The following ADGRV1 variants were observed in gnomAD, a reference collection of about 807,000 sequenced individuals.
The protein encoded by ADGRV1 is G-protein coupled receptor 98.
In ADGRV1, 359 loss-of-function variants were observed where a neutral mutation model predicts 596.2. The ratio of observed to expected loss-of-function variants is 0.60; its 90% CI spans 0.55 to 0.66. ADGRV1 has a LOEUF of 0.66. Among genes scored for constraint, ADGRV1 ranks in the 30% least tolerant of loss-of-function variants. The pLI is 0.00. For missense variants in ADGRV1, 7,274 were observed against 7,575.6 expected, an observed-to-expected ratio of 0.96 and a Z score of 1.48; for synonymous variants, 2,681 against 2,679.2, an observed-to-expected ratio of 1.00 and a Z score of -0.02.
Position 90,823,576 on chromosome 5 carries a change from A to C in ADGRV1, c.16348A>C (p.Ile5450Leu). Residue 5450 changes from isoleucine to leucine, a missense_variant, in exon 76 of 90, where the codon ATT (isoleucine) becomes CTT (leucine). Physicochemically the swap from Ile to Leu is conservative, Grantham distance 5. Coordinates refer to ENST00000405460, the MANE Select transcript of ADGRV1 (RefSeq NM_032119.4). ...TMGQTKCFIS[I>L]ELKPEKVPQV... is the part of the protein sequence containing the mutation. ...GGGTCAAACAAAATGCTTTATCAGC[A>C]TTGAACTCAAACCAGAAAAGGTAAG... is the stretch of plus-strand genomic sequence containing the variant. 1 of 1,613,930 alleles carries C rather than the reference A, an allele frequency of 6.2e-7. No homozygotes were observed. Among genetic ancestry groups the C allele is most frequent in the Non-Finnish European group, 8.5e-7 (1 of 1,179,832 alleles).
intron 84 of ADGRV1, among the ~76,000 whole-genome samples, chr5:90,974,446 A>T (rs769515345): frequency 2.0e-5 from 3 of 152,192 alleles, no homozygotes; most frequent in African/African-American, 4.8e-5. Context: ...CTGACTTCAA[A>T]CTATAGTACA....
At chr5:91,141,093 TA>T (rs1478242379) in intron 87 of ADGRV1, among the ~76,000 whole-genome samples, 6 of 152,184 alleles carry the variant, frequency 3.9e-5, no homozygotes, top group African/African-American at 1.4e-4. Context: ...CCTTGGTGTA[TA>T]AAAAGAAGAA....
At chr5:91,079,968 T>G (rs569473235) in intron 86 of ADGRV1, among the ~76,000 whole-genome samples, 2 of 152,302 alleles carry the variant, frequency 1.3e-5, no homozygotes, top group South Asian at 4.1e-4. Flanking sequence ...ATGGTTATTG[T>G]CATCATCACT....
intron 34 of ADGRV1, among the ~76,000 whole-genome samples, chr5:90,698,932 A>T (rs1439385007): frequency 6.6e-6 from 1 of 152,076 alleles, no homozygotes; most frequent in African/African-American, 2.4e-5. Context: ...CAAAAAGGGG[A>T]GTTAGATCTC....
At chr5:91,131,453 T>C (rs1740123739) in intron 87 of ADGRV1, among the ~76,000 whole-genome samples, 1 of 151,216 alleles carries the variant, frequency 6.6e-6, no homozygotes, top group Non-Finnish European at 1.5e-5. Flanking sequence ...TTTCTTTTTG[T>C]TGTTGTTGCT....
chr5:90,907,007 T>A (rs1772387464), intron 83 of ADGRV1, among the ~76,000 whole-genome samples: 1 of 152,196 alleles, frequency 6.6e-6, no homozygotes, highest in African/African-American at 2.4e-5. Context: ...GGTCCATGAT[T>A]TCCAGAGGAT....
intron 29 of ADGRV1, among the ~76,000 whole-genome samples, chr5:90,688,500 C>A (rs1166601295): frequency 6.6e-6 from 1 of 152,064 alleles, no homozygotes; most frequent in Admixed American, 6.6e-5. Flanking sequence ...GGACTACAAG[C>A]GTGTGCCACC....
At chr5:90,900,153 AT>A (rs1309250865) in intron 83 of ADGRV1, among the ~76,000 whole-genome samples, 6 of 152,138 alleles carry the variant, frequency 3.9e-5, no homozygotes, top group Non-Finnish European at 8.8e-5. Context: ...CACTCCCATT[AT>A]CTTGTTTAAT....
intron 1 of ADGRV1, among the ~76,000 whole-genome samples, chr5:90,600,357 AGTT>A (rs1486364742): frequency 6.6e-6 from 1 of 152,024 alleles, no homozygotes; most frequent in East Asian, 1.9e-4. Flanking sequence ...CCCTGTGTCC[AGTT>A]GTTCTCATTG....
intron 85 of ADGRV1, among the ~76,000 whole-genome samples, chr5:91,024,093 A>C (rs1783845012): frequency 6.6e-6 from 1 of 152,120 alleles, no homozygotes; most frequent in African/African-American, 2.4e-5. Context: ...AAATCTCCCC[A>C]GCTGATTCTA....
chr5:91,136,537 G>A (rs1479467517), intron 87 of ADGRV1, among the ~76,000 whole-genome samples: 1 of 152,162 alleles, frequency 6.6e-6, no homozygotes, highest in Admixed American at 6.6e-5. Context: ...AATCAACCAG[G>A]TTAAGGATGA....
rs1763779597 is a variant in ADGRV1, at chr5:90,823,415, T to C, written c.16197-10T>C. On this transcript the variant is annotated splice_polypyrimidine_tract_variant and intron_variant, in intron 75 of 89. Coordinates refer to ENST00000405460, the MANE Select transcript of ADGRV1 (RefSeq NM_032119.4). ...CTCTGTTAAGGCATTGGTGGGTTTC[T>C]TGCTCACAGGGCCTTTGAAGATGTC... The C allele has an allele frequency of 2.5e-6, 4 of 1,612,858 alleles. No homozygotes were observed. In the African/African-American group the frequency reaches 4.0e-5, roughly 16 times the overall value.
intron 1 of ADGRV1, among the ~76,000 whole-genome samples, chr5:90,576,357 T>C (rs1757212156): frequency 6.7e-6 from 1 of 148,948 alleles, no homozygotes; most frequent in Admixed American, 6.8e-5. Context: ...AGTGAGAACA[T>C]GTGGTGTTTG....
intron 1 of ADGRV1, among the ~76,000 whole-genome samples, chr5:90,582,010 T>C (rs540168387): frequency 4.6e-5 from 7 of 152,296 alleles, no homozygotes; most frequent in Non-Finnish European, 1.0e-4. Flanking sequence ...TTTGTTGGTA[T>C]TGCTTTTCAT....
At chr5:90,802,670 G>A (rs990245664) in intron 70 of ADGRV1, 69 bp from the exon 71 acceptor site, 1 of 1,433,936 alleles carries the variant, frequency 7.0e-7, no homozygotes, top group Non-Finnish European at 9.6e-7. Context: ...TTATGCTAAT[G>A]GCTCAAGTCA....
chr5:91,121,052 T>G (rs1793273836), intron 87 of ADGRV1, among the ~76,000 whole-genome samples: 1 of 152,094 alleles, frequency 6.6e-6, no homozygotes, highest in Non-Finnish European at 1.5e-5. Flanking sequence ...CAGACACCTG[T>G]AATCCCAGCT....
At chr5:90,997,069 C>G (rs1781477905) in intron 85 of ADGRV1, among the ~76,000 whole-genome samples, 1 of 152,102 alleles carries the variant, frequency 6.6e-6, no homozygotes, top group Admixed American at 6.5e-5. Context: ...TGGACTTGAA[C>G]TTTTGAGTTA....
At chr5:90,597,655 G>C (rs192127288) in intron 1 of ADGRV1, among the ~76,000 whole-genome samples, 57 of 152,216 alleles carry the variant, frequency 3.7e-4, no homozygotes, top group African/African-American at 1.3e-3. Context: ...GAGGAAACCA[G>C]GCTGAGAATG....
chr5:90,871,950 C>A (rs1389539197), intron 83 of ADGRV1, among the ~76,000 whole-genome samples: 2 of 152,182 alleles, frequency 1.3e-5, no homozygotes, highest in Non-Finnish European at 2.9e-5. Context: ...ATGCCCAAGA[C>A]ACAAGATCCG....
Sources: allele counts gnomAD v4.1 joint callset (sites outside exome capture counted in the v4.1 genomes callset), GRCh38; gene constraint gnomAD v4.1.1; transcripts MANE v1.5; gene names NCBI Gene and HGNC (gene_info 2026-07-23, HGNC 2026-07-21).